Variants in DNM3 observed in about 807,000 individuals in gnomAD.
DNM3 encodes dynamin 3.
In DNM3, 47 loss-of-function variants were observed where a neutral mutation model predicts 101.6. The observed-to-expected ratio is 0.46, with a 90% CI of 0.37 to 0.59. The LOEUF is 0.59. DNM3 is among the 20% of genes least tolerant of loss of function. The pLI is 0.00. For missense variants in DNM3, 849 were observed against 1,085.7 expected, an observed-to-expected ratio of 0.78 and a Z score of 3.06; for synonymous variants, 385 against 387.9, an observed-to-expected ratio of 0.99 and a Z score of 0.09.
chr1:172,387,361 TAAG>T lies in DNM3; in HGVS notation c.2285+7_2285+9del. On this transcript the variant is annotated splice_donor_5th_base_variant and intron_variant, in intron 19 of 20. Transcript: ENST00000627582. ...CTCCTGGATACAGCACTCTCGCAGGTAAGAAGATGGCCCCGGCCGGGTGCGGTG... is the reference window on the plus strand; with the variant it reads ...CTCCTGGATACAGCACTCTCGCAGGTAAGATGGCCCCGGCCGGGTGCGGTG... The T allele has an allele frequency of 1.9e-6, 3 of 1,611,794 alleles. No homozygotes were observed. The highest frequency in any genetic ancestry group is 2.5e-6 in the Non-Finnish European group (3 of 1,178,970).
intron 14 of DNM3, among the ~76,000 whole-genome samples, chr1:172,158,575 G>A (rs910398242): frequency 3.3e-5 from 5 of 151,992 alleles, no homozygotes; most frequent in Admixed American, 3.3e-4. Flanking sequence ...TGGAGGCCTT[G>A]AAACCTAGGC....
chr1:172,306,666 T>A (rs1259579453), intron 15 of DNM3, among the ~76,000 whole-genome samples: 1 of 152,174 alleles, frequency 6.6e-6, no homozygotes. Context: ...AGCATGGTAC[T>A]GGTACCAAAA....
At chr1:172,178,271 G>C (rs1021627506) in intron 14 of DNM3, among the ~76,000 whole-genome samples, 6 of 151,680 alleles carry the variant, frequency 4.0e-5, no homozygotes, top group African/African-American at 1.2e-4. Flanking sequence ...ATAAGAAGAA[G>C]AAAAAAATCC....
In DNM3 at chr1:172,412,549, TGTC is replaced by T; in HGVS notation, c.*4709_*4711del. 1 of 985,776 alleles carries T rather than the reference TGTC, an allele frequency of 1.0e-6. No individual in the cohort carries two copies. Among genetic ancestry groups the T allele is most frequent in the Non-Finnish European group, 1.2e-6 (1 of 829,852 alleles). 61.1% of individuals were successfully genotyped at this position (985,776 alleles called of 1,614,324 possible). On this transcript the variant is annotated 3_prime_UTR_variant, in exon 21 of 21. Transcript: ENST00000627582. ...TTAATATGAGCCGGATACTTTCCACTGTCTTCTTGGCACTTTCAGGATTTCTTA... is the reference window on the plus strand; with the variant it reads ...TTAATATGAGCCGGATACTTTCCACTTTCTTGGCACTTTCAGGATTTCTTA...
intron 10 of DNM3, among the ~76,000 whole-genome samples, chr1:172,061,779 C>T (rs888865690): frequency 6.6e-6 from 1 of 151,380 alleles, no homozygotes; most frequent in African/African-American, 2.4e-5. Flanking sequence ...AGCGCACCAG[C>T]ATGGCACATG....
chr1:171,929,889 C>T (rs1186881545), intron 2 of DNM3, among the ~76,000 whole-genome samples: 1 of 152,176 alleles, frequency 6.6e-6, no homozygotes, highest in Admixed American at 6.5e-5. Context: ...CTTTTCCCCC[C>T]AGTTGGCTTG....
chr1:172,231,881 G>A (rs1215981586), intron 14 of DNM3, among the ~76,000 whole-genome samples: 1 of 152,118 alleles, frequency 6.6e-6, no homozygotes, highest in Non-Finnish European at 1.5e-5. Flanking sequence ...AGCGAGAAGA[G>A]AAGTTTAGAG....
rs1438468187 is a variant in DNM3, at chr1:172,010,750, CTG to C, written c.589+21605_589+21606del. ...GCTGATGTTCTTTGAGCTTTAGAAT[CTG>C]TGAGTTTGTAGTTTTCATCAATTAT... On this transcript the variant is annotated intron_variant, in intron 4 of 20. Coordinates refer to ENST00000627582, the MANE Select transcript of DNM3 (RefSeq NM_015569.5). Among the ~76,000 whole-genome samples the C allele has an allele frequency of 3.6e-5, 5 of 140,326 alleles. No homozygotes were observed. The Admixed American group carries it at 3.8e-4, about 11-fold the overall frequency. 92.1% of individuals were successfully genotyped at this position (140,326 alleles called of 152,430 possible).
chr1:172,043,300 CCT>C (rs1232631831), intron 8 of DNM3, among the ~76,000 whole-genome samples: 1 of 152,046 alleles, frequency 6.6e-6, no homozygotes, highest in Non-Finnish European at 1.5e-5. Context: ...TGGAGGAAAA[CCT>C]CTGTTTGTAT....
intron 10 of DNM3, among the ~76,000 whole-genome samples, chr1:172,054,666 T>C (rs1031805475): frequency 2.0e-5 from 3 of 152,058 alleles, no homozygotes; most frequent in Non-Finnish European, 4.4e-5. Flanking sequence ...CTATTAGAAA[T>C]ACAGGGAAAG....
intron 1 of DNM3, among the ~76,000 whole-genome samples, chr1:171,904,068 G>A (rs2038603212): frequency 6.6e-6 from 1 of 152,000 alleles, no homozygotes; most frequent in East Asian, 1.9e-4. Context: ...AGCACTTTGG[G>A]AGGCTGTGGT....
intron 15 of DNM3, among the ~76,000 whole-genome samples, chr1:172,261,180 C>A (rs1353120169): frequency 6.6e-6 from 1 of 152,132 alleles, no homozygotes; most frequent in Non-Finnish European, 1.5e-5. Flanking sequence ...GTCAAATATT[C>A]TTGCTTTTTC....
intron 17 of DNM3, among the ~76,000 whole-genome samples, chr1:172,353,598 T>C (rs944846886): frequency 6.6e-5 from 10 of 152,282 alleles, no homozygotes; most frequent in Non-Finnish European, 1.5e-4. Flanking sequence ...AATGTCCCAC[T>C]TTTCCTGATT....
chr1:172,374,401 C>T lies in DNM3; in HGVS notation c.1894-4617C>T, dbSNP rs141043032. 3.9e-3 allele frequency among the ~76,000 whole-genome samples: 593 copies of T among 152,126 alleles called. 3 individuals carry two copies. Among genetic ancestry groups the T allele is most frequent in the Middle Eastern group, 0.02 (6 of 294 alleles). On this transcript the variant is annotated intron_variant, in intron 17 of 20. Coordinates refer to ENST00000627582, the MANE Select transcript of DNM3 (RefSeq NM_015569.5). ...TTTATCAACTACAGTATTCAGTGAA[C>T]ATCAGGGAAGCTTAAAACCCCTGAT...
At chr1:171,956,906 A>G (rs1054421947) in intron 2 of DNM3, among the ~76,000 whole-genome samples, 1 of 152,190 alleles carries the variant, frequency 6.6e-6, no homozygotes, top group Non-Finnish European at 1.5e-5. Flanking sequence ...CAACAGCCCA[A>G]GCCATACCTT....
At chr1:171,932,066 T>TC (rs2041063340) in intron 2 of DNM3, among the ~76,000 whole-genome samples, 2 of 78,702 alleles carry the variant, frequency 2.5e-5, no homozygotes, top group African/African-American at 1.0e-4. Context: ...CTCCCTCCAT[T>TC]CCTCCCTCCC....
intron 13 of DNM3, among the ~76,000 whole-genome samples, chr1:172,126,504 C>T (rs2761183): frequency 0.65 from 99,339 of 152,050 alleles, 34,465 homozygotes; most frequent in African/African-American, 0.89. Flanking sequence ...TTAAAATTAG[C>T]AAAATAATTG....
chr1:172,131,311 G>T, intron 14 of DNM3, 23 bp downstream of exon 14: 1 of 1,596,566 alleles, frequency 6.3e-7, no homozygotes, highest in South Asian at 1.1e-5. Context: ...GAGTGATAAA[G>T]TTTTCTTGTT....
chr1:172,026,600 C>G (rs1007540014), intron 4 of DNM3, among the ~76,000 whole-genome samples: 11 of 151,134 alleles, frequency 7.3e-5, no homozygotes, highest in African/African-American at 2.2e-4. Flanking sequence ...AGACTAACAG[C>G]AGATCTCTCT....
Sources: gnomAD v4.1 joint callset for allele counts (sites outside exome capture counted in the v4.1 genomes callset) on GRCh38, gnomAD v4.1.1 for gene constraint, MANE v1.5 for transcripts, NCBI Gene and HGNC (gene_info 2026-07-23, HGNC 2026-07-21) for gene names.